MACROD2: variants seen among roughly 807,000 people sequenced by gnomAD.
MACROD2 encodes the protein mono-ADP ribosylhydrolase 2.
In MACROD2, 36 loss-of-function variants were observed where a neutral mutation model predicts 70.4. That is an observed-to-expected ratio of 0.51 (90% confidence interval 0.39 to 0.68). MACROD2 has a LOEUF of 0.68. MACROD2 is among the 30% of genes least tolerant of loss of function. The pLI, the probability that MACROD2 is intolerant of heterozygous loss-of-function variation, is 0.00. For missense variants in MACROD2, 496 were observed against 538.4 expected, an observed-to-expected ratio of 0.92 and a Z score of 0.78; for synonymous variants, 172 against 178.8, an observed-to-expected ratio of 0.96 and a Z score of 0.30.
intron 5 of MACROD2, among the ~76,000 whole-genome samples, chr20:14,993,121 T>C (rs893075303): frequency 7.9e-5 from 12 of 152,120 alleles, no homozygotes; most frequent in Non-Finnish European, 1.3e-4. Context: ...AGTCCAGTAA[T>C]TGAAGGTAAT....
At chr20:14,930,213 G>C (rs1258344248) in intron 5 of MACROD2, among the ~76,000 whole-genome samples, 4 of 151,090 alleles carry the variant, frequency 2.6e-5, no homozygotes, top group African/African-American at 9.7e-5. Context: ...CCAGGGCAGA[G>C]GCCAAATGTA....
At chr20:14,599,246 A>G (rs1278974575) in intron 4 of MACROD2, among the ~76,000 whole-genome samples, 1 of 152,158 alleles carries the variant, frequency 6.6e-6, no homozygotes, top group African/African-American at 2.4e-5. Context: ...TCCAGGAGAG[A>G]GGGCACTTCT....
At chr20:14,224,127 T>TA (rs11482009) in intron 3 of MACROD2, among the ~76,000 whole-genome samples, 147,540 of 152,216 alleles carry the variant, frequency 0.97, 71,521 homozygotes, top group Admixed American at 0.99. Flanking sequence ...CAATCACATC[T>TA]AAAAAACACT....
intron 16 of MACROD2, among the ~76,000 whole-genome samples, chr20:16,042,997 T>C (rs1393519291): frequency 1.3e-5 from 2 of 152,068 alleles, no homozygotes; most frequent in Admixed American, 6.6e-5. Flanking sequence ...TACAGGCTGT[T>C]GGTTTTGTGC....
chr20:14,499,337 C>T (rs1197401765), intron 4 of MACROD2, among the ~76,000 whole-genome samples: 1 of 152,086 alleles, frequency 6.6e-6, no homozygotes, highest in East Asian at 1.9e-4. Flanking sequence ...TTGAGACCAG[C>T]TTGGGCAACA....
chr20:14,579,369 C>G (rs927408902), intron 4 of MACROD2, among the ~76,000 whole-genome samples: 3 of 151,542 alleles, frequency 2.0e-5, no homozygotes, highest in Non-Finnish European at 2.9e-5. Context: ...TCTCGATCTC[C>G]TGACCTCATG....
At chr20:14,658,698 C>T (rs1419733983) in intron 4 of MACROD2, among the ~76,000 whole-genome samples, 1 of 152,188 alleles carries the variant, frequency 6.6e-6, no homozygotes, top group African/African-American at 2.4e-5. Flanking sequence ...ACTGCAACCT[C>T]CGCCTACCAG....
chr20:15,770,241 A>G (rs1207245465), intron 8 of MACROD2, among the ~76,000 whole-genome samples: 4 of 150,936 alleles, frequency 2.7e-5, no homozygotes, highest in Non-Finnish European at 5.9e-5. Flanking sequence ...CTTGCCCACA[A>G]ATTTCTAATT....
At chr20:14,194,189 C>G (rs914851664) in intron 3 of MACROD2, among the ~76,000 whole-genome samples, 1 of 152,132 alleles carries the variant, frequency 6.6e-6, no homozygotes, top group African/African-American at 2.4e-5. Flanking sequence ...AGACATGGAT[C>G]TCAGAAGGTC....
intron 3 of MACROD2, among the ~76,000 whole-genome samples, chr20:14,187,078 C>A (rs2081350862): frequency 6.7e-6 from 1 of 149,830 alleles, no homozygotes; most frequent in African/African-American, 2.5e-5. Flanking sequence ...ATGTAACAAA[C>A]CTGCGCGTGT....
At chr20:14,575,184 A>G (rs1394603389) in intron 4 of MACROD2, among the ~76,000 whole-genome samples, 1 of 152,032 alleles carries the variant, frequency 6.6e-6, no homozygotes, top group East Asian at 1.9e-4. Context: ...ATATTTATTT[A>G]CTAATTACCT....
intron 4 of MACROD2, among the ~76,000 whole-genome samples, chr20:14,620,339 A>G (rs1392941937): frequency 1.3e-5 from 2 of 152,056 alleles, no homozygotes; most frequent in African/African-American, 2.4e-5. Context: ...GCTCCCACCA[A>G]CCTAAGATGG....
At chr20:14,276,323 TG>T (rs1432996090) in intron 3 of MACROD2, among the ~76,000 whole-genome samples, 1 of 150,110 alleles carries the variant, frequency 6.7e-6, no homozygotes, top group Non-Finnish European at 1.5e-5. Context: ...TCATGTCCTT[TG>T]TAGGGACATG....
At chr20:14,362,850 A>T (rs571941517) in intron 3 of MACROD2, among the ~76,000 whole-genome samples, 73 of 152,310 alleles carry the variant, frequency 4.8e-4, no homozygotes, top group African/African-American at 1.7e-3. Flanking sequence ...TAATAGTAAA[A>T]TGTAGTAAGA....
Position 14,600,343 on chromosome 20 carries a change from T to TACAC in MACROD2, c.302-84480_302-84477dup, listed in dbSNP as rs1042255013. On this transcript the variant is annotated intron_variant, in intron 4 of 17. Transcript: ENST00000684519. ...ATGCAGCTACATATATATATATATA[T>TACAC]ACACACACACACACACACACACAAA... Among the ~76,000 whole-genome samples the TACAC allele has an allele frequency of 7.9e-4, 103 of 130,164 alleles. 1 individual carries two copies. The highest frequency in any genetic ancestry group is 6.8e-3 in the East Asian group (32 of 4,682). 85.4% of individuals were successfully genotyped at this position (130,164 alleles called of 152,430 possible). A position where few individuals can be genotyped will look rare whatever the true frequency, so the allele number is the denominator to read the frequency against.
intron 3 of MACROD2, among the ~76,000 whole-genome samples, chr20:14,396,544 A>G (rs1252633144): frequency 1.3e-5 from 2 of 152,156 alleles, no homozygotes; most frequent in Non-Finnish European, 2.9e-5. Flanking sequence ...TTAGTATGGT[A>G]TATACTGTGA....
chr20:15,383,243 C>T (rs2045668428), intron 6 of MACROD2, among the ~76,000 whole-genome samples: 1 of 152,192 alleles, frequency 6.6e-6, no homozygotes, highest in South Asian at 2.1e-4. Context: ...AATCCCCAAA[C>T]ATGTTTAAGG....
At chr20:15,358,570 G>A (rs1178579014) in intron 6 of MACROD2, among the ~76,000 whole-genome samples, 1 of 151,942 alleles carries the variant, frequency 6.6e-6, no homozygotes, top group East Asian at 1.9e-4. Context: ...TTATCATTTT[G>A]TTCATATAAT....
intron 3 of MACROD2, among the ~76,000 whole-genome samples, chr20:14,212,262 A>G (rs2081577212): frequency 6.6e-6 from 1 of 152,176 alleles, no homozygotes; most frequent in Admixed American, 6.5e-5. Flanking sequence ...TCAGTTCTAA[A>G]AATATGAAAA....
Sources: gnomAD v4.1 joint callset for allele counts (sites outside exome capture counted in the v4.1 genomes callset) on GRCh38, gnomAD v4.1.1 for gene constraint, MANE v1.5 for transcripts, NCBI Gene and HGNC (gene_info 2026-07-23, HGNC 2026-07-21) for gene names.